Variants in CNTN5 observed in about 807,000 individuals in gnomAD.
CNTN5 encodes contactin-5.
Under a neutral mutation model 129.1 loss-of-function variants are expected in CNTN5, and 77 were observed. That is an observed-to-expected ratio of 0.60 (90% CI 0.50 to 0.72). CNTN5 has a LOEUF of 0.72. CNTN5 is among the 30% of genes least tolerant of loss of function. The probability of loss-of-function intolerance (pLI) is 0.00; values close to 1 mark genes in which losing one functional copy is unlikely to be tolerated. For missense variants in CNTN5, 1,478 were observed against 1,328.8 expected, an observed-to-expected ratio of 1.11 and a Z score of -1.75; for synonymous variants, 509 against 465.6, an observed-to-expected ratio of 1.09 and a Z score of -1.20.
chr11:100,038,477 G>C (rs530933392), intron 9 of CNTN5, among the ~76,000 whole-genome samples: 1 of 151,914 alleles, frequency 6.6e-6, no homozygotes, highest in Non-Finnish European at 1.5e-5. Flanking sequence ...GTAAATGTCT[G>C]TTAGGTCTGC....
In CNTN5 at chr11:99,344,162, A is replaced by G. The variant is rs889955016; in HGVS notation, c.-71+18678A>G. ...GTCTATGGCACGAGGAAGCTTTCCC[A>G]GTTAGTGCTAAGAGCTTTATAAGGT... On this transcript the variant is annotated intron_variant, in intron 2 of 24. Coordinates refer to ENST00000524871, the MANE Select transcript of CNTN5 (RefSeq NM_014361.4). Among the ~76,000 whole-genome samples the G allele has an allele frequency of 7.9e-5, 12 of 152,212 alleles. 1 individual carries two copies. The highest frequency in any genetic ancestry group is 1.5e-4 in the Non-Finnish European group (10 of 68,036).
intron 2 of CNTN5, among the ~76,000 whole-genome samples, chr11:99,515,832 A>G (rs539617532): frequency 2.0e-5 from 3 of 151,978 alleles, no homozygotes; most frequent in Non-Finnish European, 4.4e-5. Context: ...AATATTCATT[A>G]TATCAATTGC....
chr11:99,151,783 C>T, intron 1 of CNTN5, among the ~76,000 whole-genome samples: 1 of 152,050 alleles, frequency 6.6e-6, no homozygotes, highest in East Asian at 1.9e-4. Flanking sequence ...AACCATCATT[C>T]TCAGCAAACT....
chr11:100,242,519 T>TA (rs1949762799), intron 16 of CNTN5, among the ~76,000 whole-genome samples: 1 of 152,116 alleles, frequency 6.6e-6, no homozygotes, highest in Non-Finnish European at 1.5e-5. Flanking sequence ...TCAGGAAACT[T>TA]ACAATCATGG....
chr11:99,998,972 G>T (rs1939658104), intron 8 of CNTN5, among the ~76,000 whole-genome samples: 1 of 151,766 alleles, frequency 6.6e-6, no homozygotes, highest in Non-Finnish European at 1.5e-5. Flanking sequence ...GCTGAAACTG[G>T]ATCCCTTCCT....
At chr11:100,022,587 A>G (rs959351677) in intron 9 of CNTN5, among the ~76,000 whole-genome samples, 1 of 152,214 alleles carries the variant, frequency 6.6e-6, no homozygotes, top group Non-Finnish European at 1.5e-5. Context: ...TGAGAACATT[A>G]ATTTATATTT....
At chr11:99,250,988 A>G (rs1188473311) in intron 1 of CNTN5, among the ~76,000 whole-genome samples, 2 of 151,926 alleles carry the variant, frequency 1.3e-5, no homozygotes, top group Non-Finnish European at 2.9e-5. Flanking sequence ...TAGACTTGGG[A>G]AAAGAAACTA....
At chr11:100,319,184 G>C (rs1196558399) in intron 21 of CNTN5, among the ~76,000 whole-genome samples, 3 of 140,562 alleles carry the variant, frequency 2.1e-5, no homozygotes, top group Admixed American at 1.5e-4. Flanking sequence ...ATGGAGTCTC[G>C]CTCTATTGCC....
chr11:99,774,784 C>G (rs1386705728), intron 3 of CNTN5, among the ~76,000 whole-genome samples: 1 of 152,052 alleles, frequency 6.6e-6, no homozygotes, highest in Non-Finnish European at 1.5e-5. Context: ...AGAAACATGA[C>G]TCTTTTCTGG....
chr11:99,929,421 C>T (rs1950140195), intron 7 of CNTN5, among the ~76,000 whole-genome samples: 1 of 152,146 alleles, frequency 6.6e-6, no homozygotes. Flanking sequence ...CTCCGTGGTG[C>T]CAGTTTACTG....
chr11:99,277,402 G>T (rs1343150255), intron 1 of CNTN5, among the ~76,000 whole-genome samples: 1 of 151,422 alleles, frequency 6.6e-6, no homozygotes, highest in Admixed American at 6.6e-5. Flanking sequence ...TCTACCCTTG[G>T]CAACTCATGC....
chr11:100,131,908 G>A (rs142760339), intron 13 of CNTN5, among the ~76,000 whole-genome samples: 62 of 152,158 alleles, frequency 4.1e-4, no homozygotes, highest in African/African-American at 1.5e-3. Context: ...AGGGACCTTA[G>A]AGAAGCATTT....
At chr11:99,269,364 T>A (rs1474154503) in intron 1 of CNTN5, among the ~76,000 whole-genome samples, 1 of 151,708 alleles carries the variant, frequency 6.6e-6, no homozygotes, top group African/African-American at 2.4e-5. Flanking sequence ...TTTTTTTAAA[T>A]CGTGGGGGAG....
chr11:99,723,501 C>T (rs1299179281), intron 3 of CNTN5, among the ~76,000 whole-genome samples: 1 of 152,118 alleles, frequency 6.6e-6, no homozygotes, highest in Non-Finnish European at 1.5e-5. Flanking sequence ...AAAATAGAAA[C>T]CAACGTAGAC....
At chr11:100,164,199 G>A (rs1328526172) in intron 13 of CNTN5, among the ~76,000 whole-genome samples, 4 of 151,694 alleles carry the variant, frequency 2.6e-5, no homozygotes, top group Non-Finnish European at 4.4e-5. Flanking sequence ...TGGCATTGAC[G>A]ATATGGACAA....
At chr11:99,048,607 GC>G (rs1864306807) in intron 1 of CNTN5, among the ~76,000 whole-genome samples, 1 of 152,076 alleles carries the variant, frequency 6.6e-6, no homozygotes, top group Non-Finnish European at 1.5e-5. Context: ...TTTTTCTGGT[GC>G]CTTTCTAAGT....
At chr11:99,117,548 CA>C (rs1437210334) in intron 1 of CNTN5, among the ~76,000 whole-genome samples, 14 of 152,088 alleles carry the variant, frequency 9.2e-5, no homozygotes, top group African/African-American at 3.1e-4. Context: ...TGTTCATTAT[CA>C]TTGTTAAATA....
chr11:99,751,670 A>G (rs1267441278), intron 3 of CNTN5, among the ~76,000 whole-genome samples: 1 of 152,194 alleles, frequency 6.6e-6, no homozygotes, highest in African/African-American at 2.4e-5. Flanking sequence ...CTGTAATAAT[A>G]TAGGCTGCCT....
rs148666546 is a variant in CNTN5 at position 100,024,902 on chromosome 11, C to G, written c.980+22766C>G. ...ACTTATGTTTAAAAGGGAAACAGAACCTAAAAGTTTGGAAAATTTGCAGCC... is the reference window on the plus strand; with the variant it reads ...ACTTATGTTTAAAAGGGAAACAGAAGCTAAAAGTTTGGAAAATTTGCAGCC... On this transcript the variant is annotated intron_variant, in intron 9 of 24. Coordinates refer to ENST00000524871, the MANE Select transcript of CNTN5 (RefSeq NM_014361.4). Among the ~76,000 whole-genome samples the G allele has an allele frequency of 7.4e-3, 1,134 of 152,242 alleles. 8 individuals are homozygous for G. The highest frequency in any genetic ancestry group is 0.012 in the Admixed American group (183 of 15,288).
Sources: gnomAD v4.1 joint callset for allele counts (sites outside exome capture counted in the v4.1 genomes callset) on GRCh38, gnomAD v4.1.1 for gene constraint, MANE v1.5 for transcripts, NCBI Gene and HGNC (gene_info 2026-07-23, HGNC 2026-07-21) for gene names.